Variants in KANK4 observed in about 807,000 individuals in gnomAD.
KANK4 encodes KN motif and ankyrin repeat domain-containing protein 4.
In KANK4, 50 loss-of-function variants were observed where a neutral mutation model predicts 80.8. That is an observed-to-expected ratio of 0.62 (90% CI 0.49 to 0.78). The LOEUF is 0.78. KANK4 is among the 30% of genes least tolerant of loss of function. KANK4 has a pLI of 0.00. For missense variants in KANK4, 1,196 were observed against 1,240.1 expected (o/e 0.96, Z 0.53); for synonymous variants, 465 against 506.9 (o/e 0.92, Z 1.11).
chr1:62,282,578 C>G (rs1218283965), intron 1 of KANK4, among the ~76,000 whole-genome samples: 1 of 152,134 alleles, frequency 6.6e-6, no homozygotes, highest in East Asian at 1.9e-4. Context: ...GGGTGGCCCC[C>G]AGAAACCAAG....
intron 4 of KANK4, among the ~76,000 whole-genome samples, chr1:62,268,751 C>G (rs1402424497): frequency 1.3e-5 from 2 of 152,132 alleles, no homozygotes; most frequent in Non-Finnish European, 2.9e-5. Flanking sequence ...TGCTTATTGT[C>G]AAAATAATTA....
intron 2 of KANK4, among the ~76,000 whole-genome samples, chr1:62,280,907 A>C (rs1672437154): frequency 6.6e-6 from 1 of 152,208 alleles, no homozygotes; most frequent in Non-Finnish European, 1.5e-5. Context: ...TGTGTCGGCC[A>C]GTGGGTCAAC....
chr1:62,261,991 C>T (rs1671896756), intron 7 of KANK4, among the ~76,000 whole-genome samples: 1 of 152,198 alleles, frequency 6.6e-6, no homozygotes, highest in African/African-American at 2.4e-5. Context: ...TGTGAGCTCC[C>T]AAGAAGCAGA....
In KANK4 at chr1:62,273,450, G is replaced by A; in HGVS notation, c.1654C>T (p.Pro552Ser). 1 of 1,613,882 alleles carries A rather than the reference G, an allele frequency of 6.2e-7. No individual in the cohort carries two copies. Among genetic ancestry groups the A allele is most frequent in the South Asian group, 1.1e-5 (1 of 90,990 alleles). The change falls in exon 3 of 10, where the codon CCA becomes TCA. Residue 552 changes from proline to serine, a missense_variant. Pro to Ser is a moderately conservative substitution (Grantham distance 74). Coordinates refer to ENST00000371153, the MANE Select transcript of KANK4 (RefSeq NM_181712.5). ...ATAGTGGCATCCGTTGGCGAGCTTG[G>A]TGGCCTTCCCGGGTGCTCCTTCCCT... is the stretch of plus-strand genomic sequence containing the variant. Reference protein sequence around the residue: ...LPGKEHPGRPPSSPTDATIGQ... With the variant: ...LPGKEHPGRPSSSPTDATIGQ...
intron 5 of KANK4, among the ~76,000 whole-genome samples, chr1:62,267,797 G>A (rs1195233894): frequency 1.9e-5 from 2 of 107,202 alleles, no homozygotes; most frequent in African/African-American, 4.4e-5. Context: ...GCAAGACTCC[G>A]TCTCAAAAAA....
At chr1:62,250,745 T>C (rs1262911229) in intron 8 of KANK4, among the ~76,000 whole-genome samples, 1 of 152,096 alleles carries the variant, frequency 6.6e-6, no homozygotes, top group Non-Finnish European at 1.5e-5. Flanking sequence ...AAACATTAGT[T>C]AAAATGAAAC....
At chr1:62,281,831 T>C (rs1182533455) in intron 1 of KANK4, among the ~76,000 whole-genome samples, 197 bp from the exon 2 acceptor site, 1 of 152,196 alleles carries the variant, frequency 6.6e-6, no homozygotes, top group African/African-American at 2.4e-5. Flanking sequence ...CTTCATGGAA[T>C]ATTAGCAATA....
intron 9 of KANK4, among the ~76,000 whole-genome samples, chr1:62,246,396 T>C (rs1265775025): frequency 6.6e-6 from 1 of 152,114 alleles, no homozygotes; most frequent in Non-Finnish European, 1.5e-5. Context: ...CTGAAGGCTT[T>C]TGAGTCCCTG....
intron 1 of KANK4, among the ~76,000 whole-genome samples, chr1:62,286,325 G>A (rs777892749): frequency 6.6e-6 from 1 of 152,224 alleles, no homozygotes; most frequent in Non-Finnish European, 1.5e-5. Context: ...TGTCTGTTTC[G>A]CAGCTGTTAA....
chr1:62,282,272 G>T (rs1172431681), intron 1 of KANK4, among the ~76,000 whole-genome samples: 1 of 152,178 alleles, frequency 6.6e-6, no homozygotes, highest in Non-Finnish European at 1.5e-5. Flanking sequence ...GAATTAGTGT[G>T]CCTTGAGGTT....
rs200309306 is a variant in KANK4, at chr1:62,268,439, G to A, written c.2079C>T (p.Ser693=). 94 of 1,613,674 alleles carry A rather than the reference G, an allele frequency of 5.8e-5. No individual in the cohort carries two copies. In the South Asian group the frequency reaches 7.1e-4, roughly 12 times the overall value. Residue 693 remains serine, a synonymous_variant, in exon 5 of 10, where the codon AGC becomes AGT. Coordinates refer to ENST00000371153, the MANE Select transcript of KANK4 (RefSeq NM_181712.5). The part of the protein sequence containing the change: ...EDSTPEDLSD[S]EAEKKCDGPD... ...GGCCGTCACACTTCTTCTCTGCCTCGCTGTCAGACAAGTCCTCTGGGGTGC... is the reference window on the plus strand; with the variant it reads ...GGCCGTCACACTTCTTCTCTGCCTCACTGTCAGACAAGTCCTCTGGGGTGC...
chr1:62,284,021 G>A (rs1222331513), intron 1 of KANK4, among the ~76,000 whole-genome samples: 3 of 152,084 alleles, frequency 2.0e-5, no homozygotes, highest in Non-Finnish European at 2.9e-5. Context: ...TCAAAGGAGG[G>A]GTTTCTCGGC....
At chr1:62,268,055 T>A (rs1672067150) in intron 5 of KANK4, among the ~76,000 whole-genome samples, 1 of 152,152 alleles carries the variant, frequency 6.6e-6, no homozygotes, top group South Asian at 2.1e-4. Context: ...CAGCACTAGG[T>A]AAATGTTGAC....
intron 1 of KANK4, among the ~76,000 whole-genome samples, chr1:62,292,491 C>A (rs1456579489): frequency 6.6e-6 from 1 of 152,186 alleles, no homozygotes; most frequent in Non-Finnish European, 1.5e-5. Context: ...TCTCACCAGA[C>A]CCCACCTCCC....
Position 62,253,110 on chromosome 1 carries a change from C to G in KANK4, c.2639G>C (p.Trp880Ser). Reference protein sequence around the residue: ...AETNEDMAVVWKLLREGNVNI... With the variant: ...AETNEDMAVVSKLLREGNVNI... ...CACATTTCCTTCTCTTAAGAGCTTC[C>G]AGACAACAGCCATGTCTTCATTGGT... The change falls in exon 8 of 10, where the codon TGG (tryptophan) becomes TCG (serine). Residue 880 changes from tryptophan to serine, a missense_variant. Around this residue, in one of 3 missense-constraint regions of KANK4, gnomAD observed 1,154 missense variants for 1,179.6 expected, o/e 0.98. Coordinates refer to ENST00000371153, the MANE Select transcript of KANK4 (RefSeq NM_181712.5). 1 of 1,614,026 alleles carries G rather than the reference C, an allele frequency of 6.2e-7. No individual in the cohort carries two copies. The highest frequency in any genetic ancestry group is 1.7e-5 in the Admixed American group (1 of 60,010).
chr1:62,271,549 C>T lies in KANK4; in HGVS notation c.1941G>A (p.Lys647=), dbSNP rs746458354. Reference sequence around the variant, plus strand: ...CTCCTGCACGGAAGCCATAGTCTTTCTTTTTCATTATGGATTTAAGGCTGG... The same window carrying T: ...CTCCTGCACGGAAGCCATAGTCTTTTTTTTTCATTATGGATTTAAGGCTGG... ...PSTSLKSIMK[K]KDYGFRAGGN... Residue 647 remains lysine, a synonymous_variant, in exon 4 of 10, where the codon AAG becomes AAA. Transcript: ENST00000371153. The T allele has an allele frequency of 5.0e-6, 8 of 1,613,928 alleles. No homozygotes were observed. In the South Asian group the frequency reaches 8.8e-5, roughly 18 times the overall value.
At chr1:62,267,359 C>T (rs1672047621) in intron 5 of KANK4, among the ~76,000 whole-genome samples, 1 of 152,048 alleles carries the variant, frequency 6.6e-6, no homozygotes, top group African/African-American at 2.4e-5. Flanking sequence ...GATCTGAAGG[C>T]AGGCTCAGCA....
At chr1:62,277,237 AT>A (rs963215771) in intron 2 of KANK4, among the ~76,000 whole-genome samples, 14 of 152,010 alleles carry the variant, frequency 9.2e-5, no homozygotes, top group African/African-American at 3.1e-4. Context: ...CTGCAGAATT[AT>A]TTTTTTTGGA....
At position 62,297,978 on chromosome 1, in the gene KANK4, C is replaced by T. The variant is rs546474771; in HGVS notation, c.-70-16344G>A. Among the ~76,000 whole-genome samples, 7 of 146,282 alleles carry T rather than the reference C, an allele frequency of 4.8e-5. No individual in the cohort carries two copies. In the East Asian group the frequency reaches 7.9e-4, roughly 16 times the overall value. On this transcript the variant is annotated intron_variant, in intron 1 of 9. Coordinates refer to ENST00000371153, the MANE Select transcript of KANK4 (RefSeq NM_181712.5). Reference sequence around the variant, plus strand: ...AGGGTTTTAGGTTACAGATTAATTTCGTTTCTCTGTTGTTCTCTAGGCAGG... The same window carrying T: ...AGGGTTTTAGGTTACAGATTAATTTTGTTTCTCTGTTGTTCTCTAGGCAGG...
Sources: gnomAD v4.1 joint callset for allele counts (sites outside exome capture counted in the v4.1 genomes callset) on GRCh38, gnomAD v4.1.1 for gene constraint, gnomAD v4.1.1 regional missense constraint, MANE v1.5 for transcripts, NCBI Gene and HGNC (gene_info 2026-07-23, HGNC 2026-07-21) for gene names.